Variants in LIFR observed in about 807,000 individuals in gnomAD.
LIFR encodes LIF receptor subunit alpha, also known as leukemia inhibitory factor receptor.
Under a neutral mutation model 122.2 loss-of-function variants are expected in LIFR, and 84 were observed. The ratio of observed to expected loss-of-function variants is 0.69; its 90% CI spans 0.58 to 0.82. LIFR has a LOEUF of 0.82. Ranked by LOEUF, LIFR falls within the 40% of genes least tolerant of loss-of-function variation. The pLI is 0.00. For synonymous variants in LIFR, 422 were observed against 434.7 expected, an observed-to-expected ratio of 0.97 and a Z score of 0.36; for missense variants, 1,294 against 1,311.6, an observed-to-expected ratio of 0.99 and a Z score of 0.21.
At chr5:38,501,419 A>G (rs1325532469) in intron 11 of LIFR, among the ~76,000 whole-genome samples, 1 of 152,242 alleles carries the variant, frequency 6.6e-6, no homozygotes, top group Non-Finnish European at 1.5e-5. Flanking sequence ...CATAATATAA[A>G]TAAAGCTTTT....
rs1054024835 is a variant in LIFR at position 38,480,586 on chromosome 5, T to G, written c.*1009A>C. The G allele has an allele frequency of 4.5e-6, 1 of 220,520 alleles. No individual in the cohort carries two copies. The allele number at this position is 220,520 out of a possible 1,614,324, so 13.7% of individuals were successfully genotyped here. On this transcript the variant is annotated 3_prime_UTR_variant, in exon 20 of 20. Transcript: ENST00000453190. ...ACCAGAAGGTGTCAAAGATCACCAC[T>G]GCCTGGGTAGCCAAGCTCAACGGCA...
At chr5:38,497,766 T>A (rs149976411) in intron 12 of LIFR, among the ~76,000 whole-genome samples, 1,584 of 152,302 alleles carry the variant, frequency 0.01, 13 homozygotes, top group Middle Eastern at 0.044. Flanking sequence ...TACTTTTCCA[T>A]AATATATGCT....
intron 1 of LIFR, among the ~76,000 whole-genome samples, chr5:38,545,131 G>A (rs36108370): frequency 4.0e-4 from 61 of 152,194 alleles, no homozygotes; most frequent in African/African-American, 1.3e-3. Flanking sequence ...TTAGCCGGGC[G>A]TGGTGGCGGA....
upstream of LIFR, among the ~76,000 whole-genome samples, chr5:38,598,248 T>A (rs1441965525): frequency 2.7e-4 from 18 of 66,182 alleles, 1 homozygote; most frequent in South Asian, 9.5e-4. Context: ...TTTATTTATT[T>A]TTTTTTTTTT....
intron 1 of LIFR, among the ~76,000 whole-genome samples, chr5:38,564,138 C>T (rs1748928225): frequency 6.6e-6 from 1 of 152,076 alleles, no homozygotes; most frequent in Admixed American, 6.5e-5. Flanking sequence ...TAGAGACTTG[C>T]TCTTTCCTTC....
intron 1 of LIFR, among the ~76,000 whole-genome samples, chr5:38,580,121 T>C (rs773558186): frequency 1.3e-5 from 2 of 152,240 alleles, no homozygotes; most frequent in African/African-American, 2.4e-5. Context: ...AGTATAAAAG[T>C]ACTTAATTCT....
intron 13 of LIFR, among the ~76,000 whole-genome samples, chr5:38,494,190 G>A (rs772827563): frequency 9.2e-5 from 14 of 152,266 alleles, no homozygotes; most frequent in East Asian, 5.8e-4. Flanking sequence ...CTATGAATGC[G>A]TGCAGAGAAC....
chr5:38,485,730 G>C, intron 17 of LIFR, 89 bp downstream of exon 17: 1 of 1,430,220 alleles, frequency 7.0e-7, no homozygotes, highest in Non-Finnish European at 9.9e-7. Context: ...TTTTAGAAAG[G>C]GCGGGGAGGG....
intron 1 of LIFR, among the ~76,000 whole-genome samples, chr5:38,534,607 GAT>G (rs1258284633): frequency 2.6e-5 from 4 of 152,196 alleles, no homozygotes; most frequent in Non-Finnish European, 4.4e-5. Flanking sequence ...TGAAAAGACT[GAT>G]ACCAAGATGC....
intron 2 of LIFR, among the ~76,000 whole-genome samples, chr5:38,529,141 C>T (rs1324860332): frequency 6.6e-6 from 1 of 151,880 alleles, no homozygotes; most frequent in Non-Finnish European, 1.5e-5. Flanking sequence ...ATCAAAAATT[C>T]CACTTCCAAG....
At chr5:38,566,336 G>T (rs139016335) in intron 1 of LIFR, among the ~76,000 whole-genome samples, 5 of 152,148 alleles carry the variant, frequency 3.3e-5, no homozygotes, top group African/African-American at 9.7e-5. Context: ...GTTTGCAGAC[G>T]TATCAGTTGG....
intron 1 of LIFR, among the ~76,000 whole-genome samples, chr5:38,578,032 G>A (rs1365350617): frequency 6.6e-6 from 1 of 152,084 alleles, no homozygotes; most frequent in African/African-American, 2.4e-5. Context: ...TCAAACAGTG[G>A]CTTTAGAGTG....
At chr5:38,545,336 G>A (rs1401942948) in intron 1 of LIFR, among the ~76,000 whole-genome samples, 1 of 151,692 alleles carries the variant, frequency 6.6e-6, no homozygotes, top group Non-Finnish European at 1.5e-5. Flanking sequence ...ATTTGGAGAT[G>A]TAGACATAAA....
chr5:38,545,909 A>G (rs979985999), intron 1 of LIFR, among the ~76,000 whole-genome samples: 7 of 151,934 alleles, frequency 4.6e-5, no homozygotes, highest in Non-Finnish European at 1.0e-4. Context: ...ATGTAAAATC[A>G]AATAATGGAT....
chr5:38,491,529 C>CG (rs752765382), intron 14 of LIFR, among the ~76,000 whole-genome samples: 2 of 152,062 alleles, frequency 1.3e-5, no homozygotes, highest in African/African-American at 2.4e-5. Context: ...AAGATAATGC[C>CG]GGGGGACACG....
At chr5:38,524,388 G>A (rs1218354614) in intron 4 of LIFR, among the ~76,000 whole-genome samples, 2 of 152,188 alleles carry the variant, frequency 1.3e-5, no homozygotes, top group Non-Finnish European at 2.9e-5. Flanking sequence ...AACACAGACT[G>A]CGGGGGATTG....
At chr5:38,541,727 A>G (rs1252226964) in intron 1 of LIFR, among the ~76,000 whole-genome samples, 1 of 152,230 alleles carries the variant, frequency 6.6e-6, no homozygotes, top group African/African-American at 2.4e-5. Context: ...AATGGGCAAA[A>G]TAGCAAATAT....
chr5:38,508,951 T>C (rs1264771016), intron 7 of LIFR, among the ~76,000 whole-genome samples: 1 of 152,170 alleles, frequency 6.6e-6, no homozygotes, highest in East Asian at 1.9e-4. Context: ...AGGAAATAAA[T>C]GAATCCTGAT....
upstream of LIFR, among the ~76,000 whole-genome samples, chr5:38,561,059 A>C (rs1748821220): frequency 6.6e-6 from 1 of 152,192 alleles, no homozygotes; most frequent in African/African-American, 2.4e-5. Flanking sequence ...CATAGCAGTG[A>C]AATAGGGGAA....
Sources: gnomAD v4.1 joint callset for allele counts (sites outside exome capture counted in the v4.1 genomes callset) on GRCh38, gnomAD v4.1.1 for gene constraint, MANE v1.5 for transcripts, NCBI Gene and HGNC (gene_info 2026-07-23, HGNC 2026-07-21) for gene names.